DMD: variants seen among roughly 807,000 people sequenced by gnomAD.
DMD encodes the protein mutant dystrophin.
In DMD, 63 loss-of-function variants were observed where a neutral mutation model predicts 330.1. That is an observed-to-expected ratio of 0.19 (90% CI 0.16 to 0.24). The LOEUF (loss-of-function observed/expected upper bound fraction) is 0.24. DMD is among the 10% of genes least tolerant of loss of function. The pLI is 1.00. For synonymous variants in DMD, 1,223 were observed against 959.8 expected (o/e 1.27, Z -5.07); for missense variants, 3,344 against 2,684.1 (o/e 1.25, Z -5.43).
chrX:32,647,709 T>C (rs761164965), intron 9 of DMD, among the ~76,000 whole-genome samples: 56 of 112,015 alleles, frequency 5.0e-4, no homozygotes, highest in Admixed American at 3.5e-3. Context: ...GAGTGCATAA[T>C]GCACTTCACA....
chrX:33,066,078 T>C (rs2094651012), intron 1 of DMD, among the ~76,000 whole-genome samples: 1 of 108,923 alleles, frequency 9.2e-6, no homozygotes, highest in African/African-American at 3.3e-5. Flanking sequence ...AAAAACCACC[T>C]TAAAACAAGT....
intron 55 of DMD, among the ~76,000 whole-genome samples, chrX:31,538,875 T>C (rs752166657): frequency 2.3e-4 from 26 of 111,310 alleles, no homozygotes; most frequent in African/African-American, 8.5e-4. Context: ...AGAAGTACCA[T>C]TCACATCATG....
chrX:32,800,662 T>G (rs1203577529), intron 7 of DMD, among the ~76,000 whole-genome samples: 1 of 110,865 alleles, frequency 9.0e-6, no homozygotes, highest in Non-Finnish European at 1.9e-5. Context: ...TACCAATCCG[T>G]CATCTATGTT....
chrX:31,982,682 AT>A (rs1447316130), intron 44 of DMD, among the ~76,000 whole-genome samples: 1 of 110,283 alleles, frequency 9.1e-6, no homozygotes, highest in Non-Finnish European at 1.9e-5. Context: ...TTTTTTCTGG[AT>A]TTTTTTATTC....
intron 44 of DMD, among the ~76,000 whole-genome samples, chrX:31,993,555 G>A (rs999137717): frequency 7.2e-5 from 8 of 111,827 alleles, no homozygotes; most frequent in Admixed American, 1.9e-4. Flanking sequence ...ACAGAGATAA[G>A]CGAGGCTGAA....
intron 48 of DMD, among the ~76,000 whole-genome samples, chrX:31,850,205 A>C (rs1311730746): frequency 8.9e-6 from 1 of 111,736 alleles, no homozygotes; most frequent in Non-Finnish European, 1.9e-5. Context: ...TTTTCTATCT[A>C]ATCTATCATT....
rs753705408 is a variant in DMD at position 32,202,337 on chromosome X, C to A, written c.6438+14579G>T. On this transcript the variant is annotated intron_variant, in intron 44 of 78. Coordinates refer to ENST00000357033, the MANE Select transcript of DMD (RefSeq NM_004006.3). ...GATCATAATAAATCCATCTTAATCG[C>A]ATTCACTGCTTTATTTTCTTTTTTA... Among the ~76,000 whole-genome samples, 5 of 111,752 alleles carry A rather than the reference C, an allele frequency of 4.5e-5. No individual in the cohort carries two copies. In the South Asian group the frequency reaches 1.9e-3, roughly 42 times the overall value.
At chrX:33,278,826 G>T (rs1451518625) in intron 1 of DMD, among the ~76,000 whole-genome samples, 1 of 111,401 alleles carries the variant, frequency 9.0e-6, no homozygotes, top group African/African-American at 3.3e-5. Flanking sequence ...GACAAAGAAG[G>T]TCACTACATA....
intron 44 of DMD, among the ~76,000 whole-genome samples, chrX:32,183,571 A>ATATATATATATATATAT (rs2096934749): frequency 5.3e-5 from 5 of 95,128 alleles, no homozygotes; most frequent in African/African-American, 1.9e-4. Context: ...TATATATATA[A>ATATATATATATATATAT]ATATATATAT....
chrX:32,405,834 A>T lies in DMD; in HGVS notation c.4233+5918T>A, dbSNP rs1024524559. Among the ~76,000 whole-genome samples the T allele has an allele frequency of 4.5e-5, 5 of 111,731 alleles. No individual in the cohort carries two copies. In the South Asian group the frequency reaches 1.1e-3, roughly 25 times the overall value. ...GGGGATGGCATTGAATCTATAAATT[A>T]CCTTGGGCAGTATGGCCATTTTCAC... On this transcript the variant is annotated intron_variant, in intron 30 of 78. Transcript: ENST00000357033.
At chrX:32,283,873 T>C (rs1159230882) in intron 43 of DMD, among the ~76,000 whole-genome samples, 2 of 111,420 alleles carry the variant, frequency 1.8e-5, no homozygotes, top group African/African-American at 3.3e-5. Context: ...GAAAAAAATA[T>C]CCATCCTCTG....
chrX:31,212,200 GTT>G lies in DMD; in HGVS notation c.9362-2503_9362-2502del, dbSNP rs1345971536. 5.0e-4 allele frequency among the ~76,000 whole-genome samples: 50 copies of G among 100,661 alleles called. No homozygotes were observed. In the East Asian group the frequency reaches 0.015, roughly 31 times the overall value. The allele number at this position is 100,661 out of a possible 115,157, so 87.4% of individuals were successfully genotyped here. ...TGTATGTGTGTGTGTGTGTGTGTGT[GTT>G]TGTGTGTATTCACTAGTAGATATAT... On this transcript the variant is annotated intron_variant, in intron 64 of 78. Coordinates refer to ENST00000357033, the MANE Select transcript of DMD (RefSeq NM_004006.3).
intron 1 of DMD, among the ~76,000 whole-genome samples, chrX:33,110,128 G>C (rs770248747): frequency 9.0e-5 from 10 of 110,761 alleles, no homozygotes; most frequent in Non-Finnish European, 1.3e-4. Context: ...AATCACGTGT[G>C]CTTCAAGGCC....
At chrX:33,253,701 G>A (rs1019516653) in intron 1 of DMD, among the ~76,000 whole-genome samples, 2 of 110,819 alleles carry the variant, frequency 1.8e-5, no homozygotes, top group Non-Finnish European at 3.8e-5. Context: ...ATGGCCTCTC[G>A]ATATTTTACA....
intron 1 of DMD, among the ~76,000 whole-genome samples, chrX:33,127,757 A>G (rs752385602): frequency 9.0e-6 from 1 of 111,364 alleles, no homozygotes; most frequent in South Asian, 3.8e-4. Context: ...CTACGTCCTT[A>G]GAAATTTAAT....
intron 62 of DMD, among the ~76,000 whole-genome samples, chrX:31,278,855 T>C (rs1164244811): frequency 8.9e-6 from 1 of 112,216 alleles, no homozygotes; most frequent in Non-Finnish European, 1.9e-5. Context: ...TTAATGCTTA[T>C]AAATTCATCC....
intron 67 of DMD, among the ~76,000 whole-genome samples, chrX:31,203,002 C>A (rs147083316): frequency 3.6e-5 from 4 of 111,687 alleles, no homozygotes; most frequent in Admixed American, 2.8e-4. Flanking sequence ...AAATTAGAGG[C>A]CAGGCACGGT....
chrX:32,490,951 C>T (rs748331411), intron 20 of DMD, among the ~76,000 whole-genome samples: 17 of 111,872 alleles, frequency 1.5e-4, no homozygotes, highest in Non-Finnish European at 2.6e-4. Flanking sequence ...ATGTTTCACT[C>T]GTCACAAAGA....
chrX:31,583,183 C>A (rs929283010), intron 55 of DMD, among the ~76,000 whole-genome samples: 5 of 111,966 alleles, frequency 4.5e-5, no homozygotes, highest in African/African-American at 1.6e-4. Context: ...TTGCAGATGT[C>A]AATGTAGAAT....
Sources: allele counts gnomAD v4.1 joint callset (sites outside exome capture counted in the v4.1 genomes callset), GRCh38; gene constraint gnomAD v4.1.1; transcripts MANE v1.5; gene names NCBI Gene and HGNC (gene_info 2026-07-23, HGNC 2026-07-21).